FOXK1: variants seen among roughly 807,000 people sequenced by gnomAD.
FOXK1 encodes forkhead box K1, also known as forkhead box protein K1.
In FOXK1, 19 loss-of-function variants were observed where a neutral mutation model predicts 51.9. The ratio of observed to expected loss-of-function variants is 0.37; its 90% CI spans 0.26 to 0.54. FOXK1 has a LOEUF of 0.54. Ranked by LOEUF, FOXK1 falls within the 20% of genes least tolerant of loss-of-function variation. The pLI is 0.87. For missense variants in FOXK1, 870 were observed against 1,032.7 expected (o/e 0.84, Z 2.16); for synonymous variants, 537 against 482.6 (o/e 1.11, Z -1.48).
In FOXK1 at chr7:4,683,219, C is replaced by G. The variant is rs542808163; in HGVS notation, c.560+351C>G. Among the ~76,000 whole-genome samples the G allele has an allele frequency of 6.6e-6, 1 of 151,784 alleles. No homozygotes were observed. The highest frequency in any genetic ancestry group is 2.1e-4 in the South Asian group (1 of 4,796). On this transcript the variant is annotated intron_variant, in intron 1 of 8. Coordinates refer to ENST00000328914, the MANE Select transcript of FOXK1 (RefSeq NM_001037165.2). This position sits in a 1 kb window ranked among gnomAD's most constrained non-coding sequence, Gnocchi z 4.5. ...GGGTCACCCCTGACCTCATCTCCCA[C>G]CGGCCTGGGCTCCTGGAGCCACCCA...
rs771385900 is a variant in FOXK1 at position 4,754,534 on chromosome 7, G to A, written c.822G>A (p.Ser274=). 9.9e-6 allele frequency: 16 copies of A among 1,611,994 alleles called. No individual in the cohort carries two copies. The highest frequency in any genetic ancestry group is 9.9e-5 in the South Asian group (9 of 91,088). ...ACCGCTTTGTGCAGAACGTGACCTC[G>A]GACCTGCAGCTGGCAGCAGAGTTTG... ...SSYRFVQNVT[S]DLQLAAEFAA... The change falls in exon 3 of 9, where the codon TCG becomes TCA. Residue 274 remains serine (S), a synonymous_variant. Transcript: ENST00000328914.
In FOXK1 at chr7:4,741,969, T is replaced by G. The variant is rs1009999692; in HGVS notation, c.746+946T>G. On this transcript the variant is annotated intron_variant, in intron 2 of 8. Transcript: ENST00000328914. The stretch of plus-strand genomic sequence containing the variant: ...CAGACGTGTACTTGAGGCTGGAGGG[T>G]TCATACATTCTTTAATGATTTACCT... 3.0e-4 allele frequency among the ~76,000 whole-genome samples: 46 copies of G among 152,208 alleles called. 1 individual carries two copies. The highest frequency in any genetic ancestry group is 9.2e-4 in the African/African-American group (38 of 41,530).
In FOXK1 at chr7:4,761,121, T is replaced by A; in HGVS notation, c.1754T>A (p.Ile585Asn). 6.2e-7 allele frequency: 1 copy of A among 1,612,852 alleles called. No individual in the cohort carries two copies. Among genetic ancestry groups the A allele is most frequent in the Non-Finnish European group, 8.5e-7 (1 of 1,179,978 alleles). Reference protein sequence around the residue: ...FATIPAAGGVIQTVASQMAPG... With the variant: ...FATIPAAGGVNQTVASQMAPG... ...ACAATCCCCGCGGCTGGTGGAGTCA[T>A]CCAGACGGTGGCCAGCCAGATGGCC... The change falls in exon 8 of 9, where the codon ATC becomes AAC. Residue 585 changes from isoleucine (I) to asparagine (N), a missense_variant. Transcript: ENST00000328914. This position sits in a 1 kb window ranked among gnomAD's most constrained non-coding sequence, Gnocchi z 6.2.
intron 1 of FOXK1, among the ~76,000 whole-genome samples, chr7:4,698,360 G>A (rs1445808192): frequency 6.6e-6 from 1 of 151,548 alleles, no homozygotes; most frequent in Non-Finnish European, 1.5e-5. Flanking sequence ...ACCACAACAT[G>A]CATTGCCTAA....
At chr7:4,716,561 C>T (rs1274163761) in intron 1 of FOXK1, among the ~76,000 whole-genome samples, 1 of 152,182 alleles carries the variant, frequency 6.6e-6, no homozygotes, top group African/African-American at 2.4e-5. Flanking sequence ...CTCCAAAAAG[C>T]CAGTACAGTG....
chr7:4,717,259 C>T (rs1268746873), intron 1 of FOXK1, among the ~76,000 whole-genome samples: 5 of 88,188 alleles, frequency 5.7e-5, no homozygotes, highest in South Asian at 4.5e-4. Flanking sequence ...AAGGTGGTGG[C>T]GGGAGGCATA....
In FOXK1 at chr7:4,740,952, G is replaced by A. The variant is rs762161039; in HGVS notation, c.675G>A (p.Leu225=). ...CACTGTACCCCCAGATCTCCCCTCT[G>A]AAGATCCACATCCCGGAGCCGGACC... ...LRPLYPQISP[L]KIHIPEPDLR... The change falls in exon 2 of 9, where the codon CTG becomes CTA. Residue 225 remains leucine (L), a synonymous_variant. Transcript: ENST00000328914. 2 of 1,572,136 alleles carry A rather than the reference G, an allele frequency of 1.3e-6. No individual in the cohort carries two copies. The highest frequency in any genetic ancestry group is 1.7e-6 in the Non-Finnish European group (2 of 1,162,682).
rs1386697014 is a variant in FOXK1 at position 4,757,028 on chromosome 7, A to G, written c.1085A>G (p.Tyr362Cys). The change falls in exon 5 of 9, where the codon TAC (tyrosine) becomes TGC (cysteine). Residue 362 changes from tyrosine to cysteine, a missense_variant. This residue lies in a region of FOXK1 where 14 missense variants were observed against 46.3 expected (regional missense o/e 0.30). Coordinates refer to ENST00000328914, the MANE Select transcript of FOXK1 (RefSeq NM_001037165.2). ...SIRHNLSLNR[Y>C]FIKVPRSQEE... ...CGGCACAACCTCTCTTTGAACCGTT[A>G]CTTTATCAAAGTCCCACGTTCCCAG... is the stretch of plus-strand genomic sequence containing the variant. The G allele has an allele frequency of 1.2e-6, 2 of 1,613,764 alleles. No homozygotes were observed. The highest frequency in any genetic ancestry group is 1.7e-6 in the Non-Finnish European group (2 of 1,179,972).
intron 1 of FOXK1, among the ~76,000 whole-genome samples, chr7:4,691,648 C>A (rs547032208): frequency 2.6e-5 from 4 of 152,122 alleles, no homozygotes; most frequent in Non-Finnish European, 5.9e-5. Flanking sequence ...GGCCATTATA[C>A]ATGATTTGAT....
Position 4,735,877 on chromosome 7 carries a change from G to A in FOXK1, c.561-4961G>A, listed in dbSNP as rs1423463893. On this transcript the variant is annotated intron_variant, in intron 1 of 8. Coordinates refer to ENST00000328914, the MANE Select transcript of FOXK1 (RefSeq NM_001037165.2). This position sits in a 1 kb window ranked among gnomAD's most constrained non-coding sequence, Gnocchi z 4.7. ...AAACATCTATTTAAAAATCAAGCCA[G>A]GTGCAGCGGCTCACACCTGTAATCC... Among the ~76,000 whole-genome samples the A allele has an allele frequency of 2.6e-5, 4 of 152,188 alleles. No individual in the cohort carries two copies. The highest frequency in any genetic ancestry group is 9.7e-5 in the African/African-American group (4 of 41,436).
At chr7:4,728,303 T>C (rs1780406345) in intron 1 of FOXK1, among the ~76,000 whole-genome samples, 1 of 152,260 alleles carries the variant, frequency 6.6e-6, no homozygotes, top group African/African-American at 2.4e-5. Flanking sequence ...TAATCATTTC[T>C]CTGTGGTTTT....
rs1389581731 is a variant in FOXK1 at position 4,731,336 on chromosome 7, G to C, written c.561-9502G>C. Among the ~76,000 whole-genome samples the C allele has an allele frequency of 9.2e-5, 14 of 152,294 alleles. No homozygotes were observed. Among genetic ancestry groups the C allele is most frequent in the Admixed American group, 9.2e-4 (14 of 15,300 alleles). On this transcript the variant is annotated intron_variant, in intron 1 of 8. Coordinates refer to ENST00000328914, the MANE Select transcript of FOXK1 (RefSeq NM_001037165.2). This position sits in a 1 kb window ranked among gnomAD's most constrained non-coding sequence, Gnocchi z 5.3. ...GCGAGCCAGGTTTAGTACTTTATCG[G>C]GTATCCTAAAGACACGTTGCAGCCT...
rs545586394 is a variant in FOXK1, at chr7:4,747,213, T to C, written c.746+6190T>C. Among the ~76,000 whole-genome samples the C allele has an allele frequency of 2.6e-5, 4 of 152,176 alleles. No individual in the cohort carries two copies. The South Asian group carries it at 8.3e-4, about 32-fold the overall frequency. ...CGGGTGACAAGCGGCTTGTGTGGAG[T>C]AGGCCTGTTGCATGGCTTCTGTGCG... On this transcript the variant is annotated intron_variant, in intron 2 of 8. Coordinates refer to ENST00000328914, the MANE Select transcript of FOXK1 (RefSeq NM_001037165.2). The surrounding 1 kb of genome is among the most constrained non-coding windows in gnomAD (Gnocchi z 9.2).
rs1200035037 is a variant in FOXK1, at chr7:4,770,595, G to A, written c.*8131G>A. 2 of 151,956 alleles carry A rather than the reference G, an allele frequency of 1.3e-5. No individual in the cohort carries two copies. Among genetic ancestry groups the A allele is most frequent in the African/African-American group, 4.8e-5 (2 of 41,332 alleles). The allele number at this position is 151,956 out of a possible 1,614,324, so 9.4% of individuals were successfully genotyped here. ...TCTTTTTTTCAAGAAAGGCTTTTTG[G>A]ATACCTAGAATACCTTCATGTATGT... On this transcript the variant is annotated 3_prime_UTR_variant, in exon 9 of 9. Coordinates refer to ENST00000328914, the MANE Select transcript of FOXK1 (RefSeq NM_001037165.2).
intron 1 of FOXK1, among the ~76,000 whole-genome samples, chr7:4,686,261 C>G (rs1207907853): frequency 2.6e-5 from 4 of 152,106 alleles, no homozygotes; most frequent in African/African-American, 9.7e-5. Context: ...TGTTGGTGCC[C>G]ACACCATTTT....
In FOXK1 at chr7:4,756,507, C is replaced by T. The variant is rs1305964721; in HGVS notation, c.1051-487C>T. ...TTCTGTAAAGAATGGTAATGGCAGC[C>T]AGGCACAGTAGCTCATGCCTGTAAT... On this transcript the variant is annotated intron_variant, in intron 4 of 8. Transcript: ENST00000328914. The surrounding 1 kb of genome is among the most constrained non-coding windows in gnomAD (Gnocchi z 4.1). Among the ~76,000 whole-genome samples the T allele has an allele frequency of 1.3e-5, 2 of 151,854 alleles. No individual in the cohort carries two copies. The highest frequency in any genetic ancestry group is 4.8e-5 in the African/African-American group (2 of 41,356).
chr7:4,743,525 G>A lies in FOXK1; in HGVS notation c.746+2502G>A, dbSNP rs145275285. Among the ~76,000 whole-genome samples, 979 of 152,316 alleles carry A rather than the reference G, an allele frequency of 6.4e-3. 6 individuals are homozygous for A. The highest frequency in any genetic ancestry group is 0.011 in the Non-Finnish European group (744 of 68,034). On this transcript the variant is annotated intron_variant, in intron 2 of 8. Coordinates refer to ENST00000328914, the MANE Select transcript of FOXK1 (RefSeq NM_001037165.2). This position sits in a 1 kb window ranked among gnomAD's most constrained non-coding sequence, Gnocchi z 5.3. Reference sequence around the variant, plus strand: ...AGATCACGCGACTGCACTCCAGCCCGGGCGATAGAGCGAGACTCCATTTCT... The same window carrying A: ...AGATCACGCGACTGCACTCCAGCCCAGGCGATAGAGCGAGACTCCATTTCT...
At chr7:4,694,107 G>C (rs1019808591) in intron 1 of FOXK1, among the ~76,000 whole-genome samples, 1 of 152,084 alleles carries the variant, frequency 6.6e-6, no homozygotes, top group Non-Finnish European at 1.5e-5. Flanking sequence ...GGCTGGTCTT[G>C]AACTCCTGGG....
rs533398299 is a variant in FOXK1 at position 4,723,936 on chromosome 7, G to T, written c.561-16902G>T. Among the ~76,000 whole-genome samples, 8 of 152,322 alleles carry T rather than the reference G, an allele frequency of 5.3e-5. No individual in the cohort carries two copies. In the East Asian group the frequency reaches 1.5e-3, roughly 29 times the overall value. The stretch of plus-strand genomic sequence containing the variant: ...TCCTCCTACCTCAGCTTCCCAAAGT[G>T]CTGGGATTACAGGCGTGCACCTCTG... On this transcript the variant is annotated intron_variant, in intron 1 of 8. Transcript: ENST00000328914. This position sits in a 1 kb window ranked among gnomAD's most constrained non-coding sequence, Gnocchi z 4.7.
Sources: gnomAD v4.1 joint callset for allele counts (sites outside exome capture counted in the v4.1 genomes callset) on GRCh38, gnomAD v4.1.1 for gene constraint, gnomAD v4.1.1 regional missense constraint, Gnocchi (gnomAD v3.1) non-coding constraint, MANE v1.5 for transcripts, NCBI Gene and HGNC (gene_info 2026-07-23, HGNC 2026-07-21) for gene names.